DST: variants seen among roughly 807,000 people sequenced by gnomAD.
DST encodes the protein dystonin, also known as bullous pemphigoid antigen.
A neutral mutation model predicts 875.2 loss-of-function variants in DST; 253 were observed. The ratio of observed to expected loss-of-function variants is 0.29; its 90% confidence interval spans 0.26 to 0.32. The LOEUF (loss-of-function observed/expected upper bound fraction) is 0.32. DST is among the 10% of genes least tolerant of loss of function. DST has a pLI of 1.00. For synonymous variants in DST, 3,124 were observed against 3,197.1 expected (o/e 0.98, Z 0.77); for missense variants, 8,287 against 9,111.6 (o/e 0.91, Z 3.68).
intron 2 of DST, among the ~76,000 whole-genome samples, chr6:56,908,555 G>C (rs1280434471): frequency 1.3e-5 from 2 of 152,162 alleles, no homozygotes; most frequent in Non-Finnish European, 2.9e-5. Context: ...CAAAATCACA[G>C]TAGTTAGTAA....
intron 5 of DST, among the ~76,000 whole-genome samples, chr6:56,709,381 T>C (rs879485125): frequency 6.6e-6 from 1 of 152,238 alleles, no homozygotes; most frequent in Admixed American, 6.5e-5. Flanking sequence ...ATGGCTTAAC[T>C]TATCAAAAAT....
chr6:56,951,740 T>A (rs1029111139), intron 2 of DST, among the ~76,000 whole-genome samples: 17 of 152,194 alleles, frequency 1.1e-4, no homozygotes, highest in African/African-American at 4.1e-4. Context: ...TAATATTGCA[T>A]TTAAATTTTT....
At chr6:56,718,467 A>T (rs2099402657) in intron 5 of DST, among the ~76,000 whole-genome samples, 1 of 152,258 alleles carries the variant, frequency 6.6e-6, no homozygotes, top group Admixed American at 6.5e-5. Context: ...GGAAAGGTGA[A>T]ATGATGCAAC....
In DST at chr6:56,603,432, T is replaced by A; in HGVS notation, c.10942-12A>T. On this transcript the variant is annotated splice_polypyrimidine_tract_variant and intron_variant, in intron 41 of 103. Coordinates refer to ENST00000680361, the MANE Select transcript of DST (RefSeq NM_001374736.1). ...CCCAATTCAAATGTCTGCAAAGAAA[T>A]ATATCCCGGACCTATTTACTATTTA... 6.2e-7 allele frequency: 1 copy of A among 1,608,616 alleles called. No individual in the cohort carries two copies. The highest frequency in any genetic ancestry group is 1.1e-5 in the South Asian group (1 of 90,924).
chr6:56,875,047 G>A (rs1380209905), intron 3 of DST, among the ~76,000 whole-genome samples: 2 of 152,156 alleles, frequency 1.3e-5, no homozygotes, highest in South Asian at 2.1e-4. Context: ...GCAGTGGCGC[G>A]ATCTCCGCTC....
chr6:56,566,329 A>C (rs986623046), intron 55 of DST, among the ~76,000 whole-genome samples: 1 of 152,182 alleles, frequency 6.6e-6, no homozygotes, highest in Non-Finnish European at 1.5e-5. Context: ...CTGGTGGTGC[A>C]GGCACCCGAG....
chr6:56,822,853 A>C (rs1367151854), intron 4 of DST, among the ~76,000 whole-genome samples: 1 of 150,652 alleles, frequency 6.6e-6, no homozygotes, highest in Non-Finnish European at 1.5e-5. Context: ...TTTGAGAAGG[A>C]GTCTCGTTCT....
intron 72 of DST, among the ~76,000 whole-genome samples, chr6:56,513,850 G>A (rs1647953929): frequency 6.6e-6 from 1 of 152,160 alleles, no homozygotes; most frequent in Admixed American, 6.5e-5. Flanking sequence ...GAGCTATCTG[G>A]TGTGACTTGA....
At chr6:56,515,987 A>G (rs957020233) in intron 71 of DST, among the ~76,000 whole-genome samples, 1 of 151,934 alleles carries the variant, frequency 6.6e-6, no homozygotes, top group Non-Finnish European at 1.5e-5. Context: ...TATTTTGCAG[A>G]AAAAAAATAA....
chr6:56,860,180 C>T (rs1770263601), intron 3 of DST, among the ~76,000 whole-genome samples: 1 of 152,134 alleles, frequency 6.6e-6, no homozygotes, highest in Admixed American at 6.5e-5. Context: ...CTGACACAGT[C>T]CTTGCATGTA....
chr6:56,470,942 CCA>C (rs2094858431), intron 95 of DST, among the ~76,000 whole-genome samples, 162 bp downstream of exon 95: 1 of 151,998 alleles, frequency 6.6e-6, no homozygotes, highest in African/African-American at 2.4e-5. Context: ...GACTCCAGAG[CCA>C]CAAATTTTAC....
At chr6:56,677,020 A>G (rs776102520) in intron 9 of DST, among the ~76,000 whole-genome samples, 1 of 152,196 alleles carries the variant, frequency 6.6e-6, no homozygotes, top group Non-Finnish European at 1.5e-5. Flanking sequence ...CTAAAAGAGT[A>G]GATTTTAAGT....
At position 56,604,528 on chromosome 6, in the gene DST, T is replaced by A; in HGVS notation, c.10100A>T (p.His3367Leu). ...DILKSRLKEG[H>L]MNPQEVEEPS... ...TTCTTCAACCTCTTGAGGGTTCATA[T>A]GACCTTCTTTCAACCTGCTTTTTAA... Residue 3367 changes from histidine to leucine, a missense_variant, in exon 40 of 104, where the codon CAT (histidine) becomes CTT (leucine). Transcript: ENST00000680361. 1 of 1,612,540 alleles carries A rather than the reference T, an allele frequency of 6.2e-7. No homozygotes were observed. The highest frequency in any genetic ancestry group is 8.5e-7 in the Non-Finnish European group (1 of 1,179,094).
chr6:56,694,749 G>T (rs2152864841), intron 9 of DST, among the ~76,000 whole-genome samples: 1 of 152,192 alleles, frequency 6.6e-6, no homozygotes, highest in Non-Finnish European at 1.5e-5. Flanking sequence ...GGGCCTAGTG[G>T]GGGGTGTCTG....
intron 62 of DST, among the ~76,000 whole-genome samples, chr6:56,535,740 G>A (rs1304269775): frequency 6.6e-6 from 1 of 152,020 alleles, no homozygotes; most frequent in Non-Finnish European, 1.5e-5. Context: ...ATTTTGCTAG[G>A]CAAGAATAAC....
At position 56,526,352 on chromosome 6, in the gene DST, T is replaced by C. The variant is rs774329540; in HGVS notation, c.18129+9A>G. ...TTTATTGCCTAAACAACAAACCATT[T>C]TTCCCTACCTGCTGTGATCGCAGAA... On this transcript the variant is annotated intron_variant, in intron 69 of 103. Transcript: ENST00000680361. 8 of 1,613,174 alleles carry C rather than the reference T, an allele frequency of 5.0e-6. No individual in the cohort carries two copies. The South Asian group carries it at 8.8e-5, about 18-fold the overall frequency.
intron 36 of DST, chr6:56,615,721 T>C (rs1461274820): frequency 6.2e-7 from 1 of 1,614,184 alleles, no homozygotes; most frequent in Admixed American, 1.7e-5. Context: ...CTATAATACC[T>C]ACTTGGAGAG....
At chr6:56,919,125 T>A (rs1305673581) in intron 2 of DST, among the ~76,000 whole-genome samples, 3 of 152,150 alleles carry the variant, frequency 2.0e-5, no homozygotes, top group African/African-American at 7.2e-5. Context: ...AATAATTTAC[T>A]ATATATGCAG....
chr6:56,649,881 A>G (rs977035103), intron 12 of DST, among the ~76,000 whole-genome samples: 3 of 152,158 alleles, frequency 2.0e-5, no homozygotes. Flanking sequence ...GGAGACAGAA[A>G]GCTGTAGGAA....
Sources: allele counts gnomAD v4.1 joint callset (sites outside exome capture counted in the v4.1 genomes callset), GRCh38; gene constraint gnomAD v4.1.1; transcripts MANE v1.5; gene names NCBI Gene and HGNC (gene_info 2026-07-23, HGNC 2026-07-21).